Variants in ANO3 observed in about 807,000 individuals in gnomAD.
ANO3 encodes the protein anoctamin-3.
Under a neutral mutation model 144.8 loss-of-function variants are expected in ANO3, and 99 were observed. The ratio of observed to expected loss-of-function variants is 0.68; its 90% CI spans 0.58 to 0.81. The LOEUF (loss-of-function observed/expected upper bound fraction) is 0.81. Among genes scored for constraint, ANO3 ranks in the 30% least tolerant of loss-of-function variants. The pLI, the probability that ANO3 is intolerant of heterozygous loss-of-function variation, is 0.00. For synonymous variants in ANO3, 414 were observed against 392.6 expected, an observed-to-expected ratio of 1.05 and a Z score of -0.64; for missense variants, 905 against 1,202.2, an observed-to-expected ratio of 0.75 and a Z score of 3.66.
At chr11:26,543,434 A>G (rs1849695212) in intron 11 of ANO3, among the ~76,000 whole-genome samples, 2 of 149,432 alleles carry the variant, frequency 1.3e-5, no homozygotes, top group Admixed American at 1.4e-4. Flanking sequence ...CAGAGGGTAA[A>G]CATCCACCAC....
chr11:26,259,772 C>T (rs1420879504), intron 1 of ANO3, among the ~76,000 whole-genome samples: 1 of 152,166 alleles, frequency 6.6e-6, no homozygotes, highest in Non-Finnish European at 1.5e-5. Context: ...ACTCCAAGCA[C>T]TTCTGACCAT....
chr11:26,440,846 G>C (rs1257765058), intron 1 of ANO3, among the ~76,000 whole-genome samples: 1 of 152,126 alleles, frequency 6.6e-6, no homozygotes, highest in Admixed American at 6.5e-5. Context: ...TGTTGGAAAT[G>C]AGAGTGTCCA....
At chr11:26,327,265 C>A (rs1854908975), upstream of ANO3, among the ~76,000 whole-genome samples, 1 of 152,124 alleles carries the variant, frequency 6.6e-6, no homozygotes, top group Non-Finnish European at 1.5e-5. Flanking sequence ...TAAAGGATTT[C>A]TTCTTGACTG....
intron 1 of ANO3, among the ~76,000 whole-genome samples, chr11:26,269,828 T>C (rs1416726947): frequency 6.6e-6 from 1 of 152,206 alleles, no homozygotes; most frequent in African/African-American, 2.4e-5. Context: ...AATTCACATA[T>C]TGAAATCCGA....
At chr11:26,458,989 A>C (rs1315510128) in intron 3 of ANO3, among the ~76,000 whole-genome samples, 1 of 152,152 alleles carries the variant, frequency 6.6e-6, no homozygotes. Context: ...GTATTTTAGA[A>C]ATAATGGTCA....
chr11:26,495,074 CATTT>C (rs56862775), intron 4 of ANO3, among the ~76,000 whole-genome samples: 7,079 of 143,316 alleles, frequency 0.049, 211 homozygotes, highest in East Asian at 0.11. Context: ...TAAATATCTA[CATTT>C]ATTTATTTAT....
At chr11:26,290,572 C>A (rs1469233761) in intron 1 of ANO3, among the ~76,000 whole-genome samples, 3 of 152,196 alleles carry the variant, frequency 2.0e-5, no homozygotes, top group Non-Finnish European at 2.9e-5. Flanking sequence ...CCTCTACCAA[C>A]TGCTTTAAAT....
intron 4 of ANO3, among the ~76,000 whole-genome samples, chr11:26,475,771 C>G (rs1185531212): frequency 1.3e-5 from 2 of 151,750 alleles, no homozygotes. Context: ...TAAAATTATC[C>G]TTGGACTTTT....
intron 3 of ANO3, among the ~76,000 whole-genome samples, chr11:26,457,343 A>AG (rs1444006997): frequency 1.7e-4 from 25 of 151,458 alleles, no homozygotes; most frequent in Non-Finnish European, 3.7e-4. Flanking sequence ...TGAAAAAAAA[A>AG]AAGAAAACAG....
chr11:26,313,153 C>G (rs533541169), intron 1 of ANO3, among the ~76,000 whole-genome samples: 1 of 152,160 alleles, frequency 6.6e-6, no homozygotes, highest in South Asian at 2.1e-4. Flanking sequence ...ATATTTTGTA[C>G]CTAGCATATC....
At chr11:26,199,081 A>G (rs973236185) in intron 1 of ANO3, among the ~76,000 whole-genome samples, 2 of 151,410 alleles carry the variant, frequency 1.3e-5, no homozygotes, top group Admixed American at 1.3e-4. Context: ...TTATCTTACT[A>G]TTTCTGGGAG....
At chr11:26,419,402 A>T (rs1486497172) in intron 1 of ANO3, among the ~76,000 whole-genome samples, 2 of 152,114 alleles carry the variant, frequency 1.3e-5, no homozygotes, top group East Asian at 3.9e-4. Flanking sequence ...CTATTGGGTC[A>T]GAGTTTTATC....
At chr11:26,282,304 T>C (rs1307139946) in intron 1 of ANO3, among the ~76,000 whole-genome samples, 1 of 144,344 alleles carries the variant, frequency 6.9e-6, no homozygotes, top group Non-Finnish European at 1.5e-5. Flanking sequence ...GGTTTTCATT[T>C]TTTTTGTTTT....
intron 4 of ANO3, among the ~76,000 whole-genome samples, chr11:26,495,269 ATTTTT>A (rs57546253): frequency 8.3e-6 from 1 of 121,008 alleles, no homozygotes; most frequent in Non-Finnish European, 1.7e-5. Flanking sequence ...CGGCTGGCTG[ATTTTT>A]TTTTTTTTTT....
chr11:26,431,027 T>C (rs1037409463), intron 1 of ANO3, among the ~76,000 whole-genome samples: 7 of 152,206 alleles, frequency 4.6e-5, no homozygotes, highest in African/African-American at 1.7e-4. Context: ...GTAGAAATAT[T>C]TTACATCTGT....
intron 20 of ANO3, among the ~76,000 whole-genome samples, chr11:26,636,010 C>A (rs1438613974): frequency 6.6e-6 from 1 of 152,076 alleles, no homozygotes; most frequent in Non-Finnish European, 1.5e-5. Context: ...CCGGTCTGGG[C>A]AAAATGGTGA....
At chr11:26,529,119 TATATTA>T (rs1565081333) in intron 7 of ANO3, among the ~76,000 whole-genome samples, 3 of 1,996 alleles carry the variant, frequency 1.5e-3, no homozygotes, top group Non-Finnish European at 7.5e-3. Flanking sequence ...ATTAATAATA[TATATTA>T]TATATAATAT....
chr11:26,251,913 G>A (rs1852936754), intron 1 of ANO3, among the ~76,000 whole-genome samples: 1 of 152,136 alleles, frequency 6.6e-6, no homozygotes, highest in South Asian at 2.1e-4. Flanking sequence ...CTCCACACCT[G>A]GGGATTACAA....
At chr11:26,653,233 A>G (rs996973985) in intron 24 of ANO3, among the ~76,000 whole-genome samples, 4 of 152,190 alleles carry the variant, frequency 2.6e-5, no homozygotes, top group African/African-American at 4.8e-5. Flanking sequence ...GCCCAAATTT[A>G]AAGTCCGAAT....
Sources: gnomAD v4.1 joint callset for allele counts (sites outside exome capture counted in the v4.1 genomes callset) on GRCh38, gnomAD v4.1.1 for gene constraint, MANE v1.5 for transcripts, NCBI Gene and HGNC (gene_info 2026-07-23, HGNC 2026-07-21) for gene names.